Variants in SYT13 observed in about 807,000 individuals in gnomAD.
SYT13 encodes the protein synaptotagmin 13.
In SYT13, 21 loss-of-function variants were observed where a neutral mutation model predicts 38.6. The ratio of observed to expected loss-of-function variants is 0.54; its 90% CI spans 0.39 to 0.78. The LOEUF (loss-of-function observed/expected upper bound fraction) is 0.78. Among genes scored for constraint, SYT13 ranks in the 30% least tolerant of loss-of-function variants. The pLI is 0.00. For missense variants in SYT13, 495 were observed against 548.7 expected, an observed-to-expected ratio of 0.90 and a Z score of 0.98; for synonymous variants, 241 against 237.6, an observed-to-expected ratio of 1.01 and a Z score of -0.13.
At chr11:45,276,695 C>A (rs1855014312) in intron 1 of SYT13, among the ~76,000 whole-genome samples, 1 of 148,308 alleles carries the variant, frequency 6.7e-6, no homozygotes, top group African/African-American at 2.5e-5. Context: ...TACTTTGCAC[C>A]CAGTAGGATG....
At chr11:45,255,216 G>A (rs1461682956) in intron 2 of SYT13, among the ~76,000 whole-genome samples, 2 of 152,160 alleles carry the variant, frequency 1.3e-5, no homozygotes, top group African/African-American at 4.8e-5. Flanking sequence ...AGCATTCTAT[G>A]TGTGTTATTT....
intron 1 of SYT13, among the ~76,000 whole-genome samples, chr11:45,272,817 A>T (rs765016931): frequency 4.6e-5 from 7 of 152,208 alleles, no homozygotes; most frequent in African/African-American, 7.2e-5. Flanking sequence ...AGCAGATATT[A>T]AAGGCTTCAA....
At chr11:45,277,736 G>T (rs559162768) in intron 1 of SYT13, among the ~76,000 whole-genome samples, 36 of 152,080 alleles carry the variant, frequency 2.4e-4, no homozygotes, top group Admixed American at 2.0e-3. Flanking sequence ...ACTCTAGCTC[G>T]CAGTTTGGCC....
At chr11:45,261,594 C>A (rs1308158107) in intron 1 of SYT13, among the ~76,000 whole-genome samples, 2 of 142,240 alleles carry the variant, frequency 1.4e-5, no homozygotes, top group African/African-American at 2.6e-5. Context: ...GAGACTCCGT[C>A]TAAAAAAAAA....
chr11:45,254,562 T>A, intron 2 of SYT13, 158 bp from the exon 3 acceptor site: 1 of 998,954 alleles, frequency 1.0e-6, no homozygotes, highest in Non-Finnish European at 1.4e-6. Flanking sequence ...ACAGGTGGGG[T>A]CAATGTCACA....
chr11:45,241,281 A>G lies in SYT13; in HGVS notation c.*2771T>C, dbSNP rs373085646. ...CTTAATTCATTAATTCACTCAACAA[A>G]TATATATGAATATATATGGAGCACC... On this transcript the variant is annotated 3_prime_UTR_variant, in exon 6 of 6. Transcript: ENST00000020926. 3 of 152,152 alleles carry G rather than the reference A, an allele frequency of 2.0e-5. No homozygotes were observed. In the South Asian group the frequency reaches 6.2e-4, roughly 32 times the overall value. The allele number at this position is 152,152 out of a possible 1,614,324, so 9.4% of individuals were successfully genotyped here.
At chr11:45,271,743 C>T (rs914590813) in intron 1 of SYT13, among the ~76,000 whole-genome samples, 9 of 152,144 alleles carry the variant, frequency 5.9e-5, no homozygotes, top group African/African-American at 2.2e-4. Context: ...GAAAACCAAC[C>T]TGGAGACACA....
chr11:45,244,588 G>A (rs1422626086), intron 5 of SYT13, among the ~76,000 whole-genome samples: 1 of 152,126 alleles, frequency 6.6e-6, no homozygotes, highest in Non-Finnish European at 1.5e-5. Flanking sequence ...ATACCAGCAG[G>A]AAAGCATCCC....
intron 1 of SYT13, among the ~76,000 whole-genome samples, chr11:45,265,149 T>C (rs1298350643): frequency 2.0e-5 from 3 of 152,240 alleles, no homozygotes; most frequent in Admixed American, 6.5e-5. Context: ...CAATGGAATA[T>C]TCCTCGACCA....
chr11:45,272,675 G>C (rs922591938), intron 1 of SYT13, among the ~76,000 whole-genome samples: 3 of 152,188 alleles, frequency 2.0e-5, no homozygotes, highest in Non-Finnish European at 4.4e-5. Flanking sequence ...GATCATGGAA[G>C]GTCAGTGATA....
rs554445783 is a variant in SYT13 at position 45,242,129 on chromosome 11, A to G, written c.*1923T>C. The G allele has an allele frequency of 3.3e-5, 5 of 152,304 alleles. No individual in the cohort carries two copies. The South Asian group carries it at 6.2e-4, about 19-fold the overall frequency. The allele number at this position is 152,304 out of a possible 1,614,324, so 9.4% of individuals were successfully genotyped here. On this transcript the variant is annotated 3_prime_UTR_variant, in exon 6 of 6. Coordinates refer to ENST00000020926, the MANE Select transcript of SYT13 (RefSeq NM_020826.3). Reference sequence around the variant, plus strand: ...AAGCCCTTACCCATCTTGTCCAGAAATTCTGTCTTAGGGAAGTGGATTAGG... The same window carrying G: ...AAGCCCTTACCCATCTTGTCCAGAAGTTCTGTCTTAGGGAAGTGGATTAGG...
rs1408721643 is a variant in SYT13 at position 45,252,109 on chromosome 11, T to C, written c.846+312A>G. On this transcript the variant is annotated intron_variant, in intron 4 of 5. Coordinates refer to ENST00000020926, the MANE Select transcript of SYT13 (RefSeq NM_020826.3). This position sits in a 1 kb window ranked among gnomAD's most constrained non-coding sequence, Gnocchi z 4.3. The stretch of plus-strand genomic sequence containing the variant: ...TAGGAGCACACAGAGTATAACTGGA[T>C]TGAAATGGGGACAGTACTTCATAGC... Among the ~76,000 whole-genome samples, 1 of 152,144 alleles carries C rather than the reference T, an allele frequency of 6.6e-6. No individual in the cohort carries two copies. The highest frequency in any genetic ancestry group is 1.5e-5 in the Non-Finnish European group (1 of 68,020).
intron 1 of SYT13, among the ~76,000 whole-genome samples, chr11:45,277,360 G>T (rs1855022656): frequency 6.6e-6 from 1 of 152,200 alleles, no homozygotes; most frequent in African/African-American, 2.4e-5. Flanking sequence ...ACACTTTAAA[G>T]TGATTAATGT....
Position 45,240,518 on chromosome 11 carries a change from C to T in SYT13, c.*3534G>A, listed in dbSNP as rs1854537921. 1 of 152,522 alleles carries T rather than the reference C, an allele frequency of 6.6e-6. No individual in the cohort carries two copies. The highest frequency in any genetic ancestry group is 1.5e-5 in the Non-Finnish European group (1 of 68,044). 9.4% of individuals were successfully genotyped at this position (152,522 alleles called of 1,614,324 possible). ...CCACATTTTACCCAGGACTCCTTTACATCCAAGAGAAATGGACCCTGAATA... is the reference window on the plus strand; with the variant it reads ...CCACATTTTACCCAGGACTCCTTTATATCCAAGAGAAATGGACCCTGAATA... On this transcript the variant is annotated 3_prime_UTR_variant, in exon 6 of 6. Coordinates refer to ENST00000020926, the MANE Select transcript of SYT13 (RefSeq NM_020826.3).
intron 5 of SYT13, 90 bp downstream of exon 5, chr11:45,246,290 TACC>T: frequency 6.5e-7 from 1 of 1,541,712 alleles, no homozygotes; most frequent in Non-Finnish European, 8.8e-7. Flanking sequence ...CCTCCCTGCT[TACC>T]TGTGACCATT....
At chr11:45,277,735 C>T (rs972084919) in intron 1 of SYT13, among the ~76,000 whole-genome samples, 3 of 152,168 alleles carry the variant, frequency 2.0e-5, no homozygotes, top group African/African-American at 7.2e-5. Context: ...AACTCTAGCT[C>T]GCAGTTTGGC....
intron 3 of SYT13, chr11:45,253,946 C>T (rs935969703): frequency 1.0e-5 from 2 of 195,798 alleles, no homozygotes; most frequent in African/African-American, 2.3e-5. Flanking sequence ...CTCTCCTTCT[C>T]TTTCTCCTTC....
chr11:45,267,732 G>A (rs527826635), intron 1 of SYT13, among the ~76,000 whole-genome samples: 2 of 152,280 alleles, frequency 1.3e-5, no homozygotes, highest in African/African-American at 4.8e-5. Context: ...GAAGAATTGT[G>A]AAGCCATGTG....
In SYT13 at chr11:45,286,014, C is replaced by T. The variant is rs1855130779; in HGVS notation, c.183+11G>A. Reference sequence around the variant, plus strand: ...TTGCCCGGGAAGGGCCTGCGCGCCGCCCCCGCTCACCTGTTGTGCAGACCC... The same window carrying T: ...TTGCCCGGGAAGGGCCTGCGCGCCGTCCCCGCTCACCTGTTGTGCAGACCC... On this transcript the variant is annotated intron_variant, in intron 1 of 5. Transcript: ENST00000020926. 6.2e-7 allele frequency: 1 copy of T among 1,602,668 alleles called. No homozygotes were observed. Among genetic ancestry groups the T allele is most frequent in the Non-Finnish European group, 8.5e-7 (1 of 1,178,570 alleles).
Sources: gnomAD v4.1 joint callset for allele counts (sites outside exome capture counted in the v4.1 genomes callset) on GRCh38, gnomAD v4.1.1 for gene constraint, Gnocchi (gnomAD v3.1) non-coding constraint, MANE v1.5 for transcripts, NCBI Gene and HGNC (gene_info 2026-07-23, HGNC 2026-07-21) for gene names.